The following LIN28B variants were observed in gnomAD, a reference collection of about 807,000 sequenced individuals.
LIN28B encodes the protein lin-28 RNA binding posttranscriptional regulator B.
Under a neutral mutation model 21.9 loss-of-function variants are expected in LIN28B, and 5 were observed. The observed-to-expected ratio is 0.23, with a 90% confidence interval of 0.12 to 0.48. The LOEUF (loss-of-function observed/expected upper bound fraction) is 0.48, where lower values mean the gene tolerates loss of function less well. Ranked by LOEUF, LIN28B falls within the 20% of genes least tolerant of loss-of-function variation. The pLI is 0.98. For synonymous variants in LIN28B, 109 were observed against 111.3 expected (o/e 0.98, Z 0.13); for missense variants, 245 against 310.5 (o/e 0.79, Z 1.58).
At chr6:105,005,327 AT>A (rs761014442) in intron 2 of LIN28B, among the ~76,000 whole-genome samples, 1 of 151,548 alleles carries the variant, frequency 6.6e-6, no homozygotes, top group African/African-American at 2.4e-5. Context: ...TTTTTTATTA[AT>A]TTTTTTATGA....
chr6:104,943,545 CAT>C (rs1285958049), intron 2 of LIN28B, among the ~76,000 whole-genome samples: 4 of 151,978 alleles, frequency 2.6e-5, no homozygotes, highest in Admixed American at 6.6e-5. Flanking sequence ...AAAAATGAAA[CAT>C]GGGCATACAG....
intron 3 of LIN28B, among the ~76,000 whole-genome samples, chr6:105,059,907 ATTT>A (rs34165233): frequency 8.4e-5 from 12 of 143,120 alleles, no homozygotes; most frequent in East Asian, 4.0e-4. Flanking sequence ...ATGTTACTGT[ATTT>A]TTTTTTTTTT....
chr6:105,046,487 G>A (rs1771766509), intron 3 of LIN28B, among the ~76,000 whole-genome samples: 1 of 152,184 alleles, frequency 6.6e-6, no homozygotes, highest in Non-Finnish European at 1.5e-5. Flanking sequence ...ACATATGCAT[G>A]TGTCTTTATA....
At chr6:105,021,312 A>G (rs1387941719) in intron 2 of LIN28B, among the ~76,000 whole-genome samples, 1 of 152,152 alleles carries the variant, frequency 6.6e-6, no homozygotes, top group Non-Finnish European at 1.5e-5. Flanking sequence ...GCTATTGTGA[A>G]TAGGGCTGTG....
rs149930257 is a variant in LIN28B, at chr6:105,017,209, G to A, written c.199-9089G>A. 1.8e-3 allele frequency among the ~76,000 whole-genome samples: 280 copies of A among 152,226 alleles called. 1 individual carries two copies. The highest frequency in any genetic ancestry group is 6.4e-3 in the African/African-American group (265 of 41,540). Reference sequence around the variant, plus strand: ...GTATTTGCTTAAGAATATCATAAAGGCTTTGAAGATGAGGTAATGTTTAAA... The same window carrying A: ...GTATTTGCTTAAGAATATCATAAAGACTTTGAAGATGAGGTAATGTTTAAA... On this transcript the variant is annotated intron_variant, in intron 2 of 3. Transcript: ENST00000345080.
intron 3 of LIN28B, among the ~76,000 whole-genome samples, chr6:105,077,916 A>G (rs1772468318): frequency 1.3e-5 from 2 of 152,220 alleles, no homozygotes; most frequent in South Asian, 4.2e-4. Flanking sequence ...AGTCAAAATA[A>G]TTAACATTCA....
chr6:104,937,512 G>A (rs1778024301), intron 2 of LIN28B, among the ~76,000 whole-genome samples: 2 of 152,122 alleles, frequency 1.3e-5, no homozygotes, highest in African/African-American at 4.8e-5. Flanking sequence ...TGATCTGCCC[G>A]CCTCGGCCTC....
At chr6:105,053,789 A>G (rs1359050389) in intron 3 of LIN28B, among the ~76,000 whole-genome samples, 4 of 150,692 alleles carry the variant, frequency 2.7e-5, no homozygotes, top group Non-Finnish European at 4.4e-5. Context: ...CTGGAGTGCA[A>G]TGGCACAATC....
chr6:104,969,206 T>A (rs758277842), intron 2 of LIN28B, among the ~76,000 whole-genome samples: 4 of 152,194 alleles, frequency 2.6e-5, no homozygotes, highest in Admixed American at 6.5e-5. Context: ...AGCTCTCTAA[T>A]TAAAAATTTT....
intron 3 of LIN28B, among the ~76,000 whole-genome samples, chr6:105,053,982 G>C (rs1210927175): frequency 6.6e-6 from 1 of 152,146 alleles, no homozygotes; most frequent in Non-Finnish European, 1.5e-5. Flanking sequence ...GATCTCAGGT[G>C]ATCCACCTGC....
At chr6:105,051,089 T>C (rs1388543658) in intron 3 of LIN28B, among the ~76,000 whole-genome samples, 3 of 151,354 alleles carry the variant, frequency 2.0e-5, no homozygotes, top group Non-Finnish European at 2.9e-5. Flanking sequence ...ATAGGATTCA[T>C]GTAGACTAAT....
At chr6:105,072,571 A>G (rs566880823) in intron 3 of LIN28B, among the ~76,000 whole-genome samples, 1 of 152,234 alleles carries the variant, frequency 6.6e-6, no homozygotes, top group Non-Finnish European at 1.5e-5. Context: ...TGTATTTATT[A>G]TCTAGGAAAC....
At chr6:105,018,124 A>G (rs1298463499) in intron 2 of LIN28B, among the ~76,000 whole-genome samples, 3 of 151,952 alleles carry the variant, frequency 2.0e-5, no homozygotes, top group Middle Eastern at 6.8e-3. Context: ...CGTCTCTACA[A>G]AAAAATTTTA....
chr6:104,959,364 A>T (rs770154050), intron 2 of LIN28B, among the ~76,000 whole-genome samples: 60 of 152,212 alleles, frequency 3.9e-4, no homozygotes, highest in Non-Finnish European at 7.9e-4. Context: ...AATATTTGGT[A>T]TATTTGCTTG....
At chr6:104,982,206 C>G (rs749273226) in intron 2 of LIN28B, among the ~76,000 whole-genome samples, 5 of 151,410 alleles carry the variant, frequency 3.3e-5, no homozygotes, top group Non-Finnish European at 5.9e-5. Flanking sequence ...CCCAGCTACT[C>G]GGGAAGCTAA....
At chr6:104,954,181 C>CA (rs528532623), upstream of LIN28B, among the ~76,000 whole-genome samples, 10 of 152,170 alleles carry the variant, frequency 6.6e-5, no homozygotes, top group South Asian at 2.1e-3. Context: ...CCTTTTGAGT[C>CA]AAACACAGGT....
At chr6:104,958,574 T>G (rs911555740) in intron 2 of LIN28B, among the ~76,000 whole-genome samples, 1 of 152,188 alleles carries the variant, frequency 6.6e-6, no homozygotes, top group Non-Finnish European at 1.5e-5. Flanking sequence ...TCTTGTTGTT[T>G]CCGGTATTAC....
At chr6:104,943,723 A>G (rs753377525) in intron 2 of LIN28B, among the ~76,000 whole-genome samples, 1 of 152,100 alleles carries the variant, frequency 6.6e-6, no homozygotes, top group Admixed American at 6.6e-5. Context: ...TTGAACCTGT[A>G]CCTTATTTCC....
chr6:105,028,593 G>GT (rs1562098386), intron 3 of LIN28B, among the ~76,000 whole-genome samples: 1 of 152,136 alleles, frequency 6.6e-6, no homozygotes, highest in South Asian at 2.1e-4. Context: ...TGACTCCAAG[G>GT]TTTTTTGGCC....
Sources: gnomAD v4.1 joint callset for allele counts (sites outside exome capture counted in the v4.1 genomes callset) on GRCh38, gnomAD v4.1.1 for gene constraint, MANE v1.5 for transcripts, NCBI Gene and HGNC (gene_info 2026-07-23, HGNC 2026-07-21) for gene names.